The following KHNYN variants were observed in gnomAD, a reference collection of about 807,000 sequenced individuals.
The protein encoded by KHNYN is KH and NYN domain containing.
KHNYN carries 42 observed loss-of-function variants against 62.7 expected under a neutral mutation model. The observed-to-expected ratio is 0.67, with a 90% CI of 0.52 to 0.87. The LOEUF (loss-of-function observed/expected upper bound fraction) is 0.87. Among genes scored for constraint, KHNYN ranks in the 40% least tolerant of loss-of-function variants. The pLI, the probability that KHNYN is intolerant of heterozygous loss-of-function variation, is 0.00. For synonymous variants in KHNYN, 347 were observed against 345.6 expected (o/e 1.00, Z -0.04); for missense variants, 829 against 874.1 (o/e 0.95, Z 0.65).
At chr14:24,427,465 G>C, upstream of KHNYN, 1 of 315,146 alleles carries the variant, frequency 3.2e-6, no homozygotes, top group Admixed American at 4.5e-5. This position sits in a 1 kb window ranked among gnomAD's most constrained non-coding sequence, Gnocchi z 4.4. Context: ...AAGCTGGGGT[G>C]GGGGAACCGG....
rs199643820 is a variant in KHNYN at position 24,436,109 on chromosome 14, A to G, written c.1615A>G (p.Ile539Val). Residue 539 changes from isoleucine (I) to valine (V), a missense_variant, in exon 6 of 8, where the codon ATT becomes GTT. Ile to Val is a conservative substitution (Grantham distance 29, BLOSUM62 3). Transcript: ENST00000553935. ...VKLAEETDGI[I>V]VSNDQFRDLA... ...GCTGGCTGAAGAGACAGATGGGATA[A>G]TTGTCTCCAATGACCAGTTCCGGGA... 1.7e-4 allele frequency: 268 copies of G among 1,614,022 alleles called. No individual in the cohort carries two copies. Among genetic ancestry groups the G allele is most frequent in the Non-Finnish European group, 2.2e-4 (254 of 1,180,030 alleles).
chr14:24,426,155 T>C (rs182820815), upstream of KHNYN, among the ~76,000 whole-genome samples: 15 of 152,258 alleles, frequency 9.9e-5, no homozygotes, highest in African/African-American at 3.6e-4. Context: ...ATTCACCTTG[T>C]TCCAATTAAC....
chr14:24,435,769 C>G (rs908023771), intron 5 of KHNYN: 1 of 430,432 alleles, frequency 2.3e-6, no homozygotes, highest in African/African-American at 2.0e-5. Context: ...ATGGCACTTG[C>G]ATCTAGTCAG....
At chr14:24,430,999 G>A in intron 2 of KHNYN, 68 bp downstream of exon 2, 1 of 1,449,124 alleles carries the variant, frequency 6.9e-7, no homozygotes, top group Non-Finnish European at 9.4e-7. Flanking sequence ...GAGGAGAGCA[G>A]GGCCGAGGAG....
intron 2 of KHNYN, 43 bp downstream of exon 2, chr14:24,430,974 C>T: frequency 1.3e-6 from 2 of 1,566,142 alleles, no homozygotes; most frequent in Non-Finnish European, 1.7e-6. Context: ...ACCAAGGACG[C>T]TTTCCCCCAG....
chr14:24,432,326 G>A lies in KHNYN; in HGVS notation c.1065G>A (p.Pro355=), dbSNP rs770622458. 2.5e-6 allele frequency: 4 copies of A among 1,614,012 alleles called. No homozygotes were observed. The highest frequency in any genetic ancestry group is 2.2e-5 in the East Asian group (1 of 44,870). The change falls in exon 3 of 8, where the codon CCG becomes CCA. Residue 355 remains proline (P), a synonymous_variant. Transcript: ENST00000553935. This position sits in a 1 kb window ranked among gnomAD's most constrained non-coding sequence, Gnocchi z 5.6. ...TCCACAATGGGAATGCCTCTCCTCC[G>A]AGGGTGCCCAGCCCTCCACCTGCAC... ...QRLHNGNASP[P]RVPSPPPAPE...
Position 24,431,105 on chromosome 14 carries a change from T to C in KHNYN, c.201+174T>C, listed in dbSNP as rs61021873. On this transcript the variant is annotated intron_variant, in intron 2 of 7. Coordinates refer to ENST00000553935, the MANE Select transcript of KHNYN (RefSeq NM_015299.3). ...TGAGTTTTGAGGGACTTTCCAACTCTATATTTGTTTTCAGTTTCAGCTTAA... is the reference window on the plus strand; with the variant it reads ...TGAGTTTTGAGGGACTTTCCAACTCCATATTTGTTTTCAGTTTCAGCTTAA... Among the ~76,000 whole-genome samples, 1,139 of 152,308 alleles carry C rather than the reference T, an allele frequency of 7.5e-3. 9 individuals carry two copies. The highest frequency in any genetic ancestry group is 0.018 in the African/African-American group (752 of 41,574).
chr14:24,428,843 C>G (rs145699313), upstream of KHNYN: 217 of 1,612,430 alleles, frequency 1.3e-4, no homozygotes, highest in Non-Finnish European at 1.7e-4. Context: ...AAATGCCACT[C>G]GCCCAGGGGG....
In KHNYN at chr14:24,430,951, C is replaced by T; in HGVS notation, c.201+20C>T. 6.2e-7 allele frequency: 1 copy of T among 1,601,658 alleles called. No individual in the cohort carries two copies. Among genetic ancestry groups the T allele is most frequent in the South Asian group, 1.1e-5 (1 of 89,770 alleles). On this transcript the variant is annotated intron_variant, in intron 2 of 7. Coordinates refer to ENST00000553935, the MANE Select transcript of KHNYN (RefSeq NM_015299.3). ...GCCAAGGTGAACGCCTTCTCTCCCC[C>T]ATCCCTCCAGGCACCAAGGACGCTT... is the stretch of plus-strand genomic sequence containing the variant.
intron 5 of KHNYN, among the ~76,000 whole-genome samples, chr14:24,433,613 C>T (rs957796147): frequency 6.6e-6 from 1 of 152,202 alleles, no homozygotes; most frequent in Non-Finnish European, 1.5e-5. Context: ...CAGGGTCCTC[C>T]TCCATTCATT....
intron 5 of KHNYN, among the ~76,000 whole-genome samples, chr14:24,435,143 T>C (rs1398824157): frequency 1.3e-5 from 2 of 152,222 alleles, no homozygotes; most frequent in Non-Finnish European, 1.5e-5. Flanking sequence ...AAAAGTTCCC[T>C]TGGTAATTCT....
At chr14:24,428,354 C>T (rs199741649), upstream of KHNYN, 30 of 1,613,922 alleles carry the variant, frequency 1.9e-5, no homozygotes, top group East Asian at 6.7e-4. Flanking sequence ...CGGACAGGGG[C>T]TACGAAGGAG....
upstream of KHNYN, chr14:24,427,341 G>A (rs542780789): frequency 5.5e-6 from 1 of 180,700 alleles, no homozygotes; most frequent in African/African-American, 2.4e-5. The surrounding 1 kb of genome is among the most constrained non-coding windows in gnomAD (Gnocchi z 4.4). Flanking sequence ...CCGTGATGCT[G>A]GCTTTCCTCA....
Position 24,440,371 on chromosome 14 carries a change from C to G in KHNYN, c.*3086C>G. On this transcript the variant is annotated 3_prime_UTR_variant, in exon 8 of 8. Transcript: ENST00000553935. The stretch of plus-strand genomic sequence containing the variant: ...CAAGGGCATGGGTCAGGATTCCTGC[C>G]AGGTCCCCGATGTGTATCCAGGGGA... 1.2e-6 allele frequency: 2 copies of G among 1,614,006 alleles called. No individual in the cohort carries two copies. Among genetic ancestry groups the G allele is most frequent in the Non-Finnish European group, 1.7e-6 (2 of 1,179,880 alleles).
rs751553084 is a variant in KHNYN at position 24,432,215 on chromosome 14, G to A, written c.954G>A (p.Gly318=). Residue 318 remains glycine, a synonymous_variant, in exon 3 of 8, where the codon GGG becomes GGA. Transcript: ENST00000553935. The surrounding 1 kb of genome is among the most constrained non-coding windows in gnomAD (Gnocchi z 5.6). ...AGGAGATAGCTCTGGGAGGAGGAGG[G>A]TTCTGTGTCCACCGTGAGCCTCCCG... ...GKEEIALGGG[G]FCVHREPPGA... 1.2e-6 allele frequency: 2 copies of A among 1,600,244 alleles called. No individual in the cohort carries two copies. The highest frequency in any genetic ancestry group is 1.1e-5 in the South Asian group (1 of 89,012).
Position 24,431,474 on chromosome 14 carries a change from G to A in KHNYN, c.213G>A (p.Lys71=), listed in dbSNP as rs2139380549. 6.4e-7 allele frequency: 1 copy of A among 1,570,316 alleles called. No individual in the cohort carries two copies. The highest frequency in any genetic ancestry group is 8.7e-7 in the Non-Finnish European group (1 of 1,151,908). The change falls in exon 3 of 8, where the codon AAG becomes AAA. Residue 71 remains lysine, a synonymous_variant. Coordinates refer to ENST00000553935, the MANE Select transcript of KHNYN (RefSeq NM_015299.3). ...ENASRAKEYL[K]GLCSPELQDE... is the part of the protein sequence containing the mutation. The stretch of plus-strand genomic sequence containing the variant: ...TTCCTCCCAACCAGGAGTACCTGAA[G>A]GGCCTCTGCAGCCCAGAACTGCAGG...
chr14:24,423,280 C>T, the KHNYN span, among the ~76,000 whole-genome samples: 2 of 152,174 alleles, frequency 1.3e-5, no homozygotes, highest in African/African-American at 4.8e-5. Flanking sequence ...CCTATCTTCT[C>T]TTAGATTTAA....
upstream of KHNYN, chr14:24,429,870 C>A: frequency 3.0e-6 from 3 of 1,008,180 alleles, no homozygotes; most frequent in Non-Finnish European, 3.6e-6. Flanking sequence ...GGCCTCTGGG[C>A]GCGGCGGCGG....
intron 6 of KHNYN, 43 bp downstream of exon 6, chr14:24,436,222 G>A: frequency 1.3e-6 from 2 of 1,560,502 alleles, no homozygotes; most frequent in Non-Finnish European, 1.8e-6. Context: ...AGATGCAGAT[G>A]TTTTTCTAAA....
Sources: gnomAD v4.1 joint callset for allele counts (sites outside exome capture counted in the v4.1 genomes callset) on GRCh38, gnomAD v4.1.1 for gene constraint, Gnocchi (gnomAD v3.1) non-coding constraint, MANE v1.5 for transcripts, NCBI Gene and HGNC (gene_info 2026-07-23, HGNC 2026-07-21) for gene names.